The following UBE2E2 variants were observed in gnomAD, a reference collection of about 807,000 sequenced individuals.
The protein encoded by UBE2E2 is ubiquitin-conjugating enzyme E2 E2.
A neutral mutation model predicts 24.7 loss-of-function variants in UBE2E2; 6 were observed. The ratio of observed to expected loss-of-function variants is 0.24; its 90% CI spans 0.13 to 0.48. UBE2E2 has a LOEUF of 0.48. UBE2E2 is among the 20% of genes least tolerant of loss of function. The probability of loss-of-function intolerance (pLI) is 0.99; values close to 1 mark genes in which losing one functional copy is unlikely to be tolerated. For synonymous variants in UBE2E2, 104 were observed against 83.6 expected, an observed-to-expected ratio of 1.24 and a Z score of -1.33; for missense variants, 169 against 245.0, an observed-to-expected ratio of 0.69 and a Z score of 2.07.
chr3:23,369,618 T>C (rs1252087165), intron 3 of UBE2E2, among the ~76,000 whole-genome samples: 1 of 152,162 alleles, frequency 6.6e-6, no homozygotes, highest in Non-Finnish European at 1.5e-5. Flanking sequence ...TTGTATATGC[T>C]CTTAGGAATA....
chr3:23,580,469 G>A (rs915140090), intron 5 of UBE2E2, among the ~76,000 whole-genome samples: 2 of 152,136 alleles, frequency 1.3e-5, no homozygotes, highest in Admixed American at 1.3e-4. Flanking sequence ...TATTTTTAAG[G>A]TATGTACTTT....
At chr3:23,535,629 T>G (rs996358135) in intron 5 of UBE2E2, among the ~76,000 whole-genome samples, 2 of 143,030 alleles carry the variant, frequency 1.4e-5, no homozygotes, top group African/African-American at 5.3e-5. Flanking sequence ...TTTTTTTTTT[T>G]TTTTTTTTTT....
At chr3:23,277,321 G>A (rs1019300460) in intron 3 of UBE2E2, among the ~76,000 whole-genome samples, 2 of 152,056 alleles carry the variant, frequency 1.3e-5, no homozygotes, top group East Asian at 3.8e-4. Context: ...TTCAAAGATC[G>A]GCTACTGCCA....
At chr3:23,335,879 G>C (rs1180637361) in intron 3 of UBE2E2, among the ~76,000 whole-genome samples, 1 of 151,994 alleles carries the variant, frequency 6.6e-6, no homozygotes, top group Non-Finnish European at 1.5e-5. Flanking sequence ...AACTTACTAC[G>C]AACAAGGTAA....
chr3:23,375,669 A>G (rs1187773942), intron 3 of UBE2E2, among the ~76,000 whole-genome samples: 1 of 152,198 alleles, frequency 6.6e-6, no homozygotes, highest in Non-Finnish European at 1.5e-5. Flanking sequence ...CCATTATTGG[A>G]TAATAAATTA....
intron 3 of UBE2E2, among the ~76,000 whole-genome samples, chr3:23,284,113 T>A (rs1376888846): frequency 6.6e-6 from 1 of 152,130 alleles, no homozygotes; most frequent in Non-Finnish European, 1.5e-5. Context: ...CCAATCTCCT[T>A]TAGGGATTTT....
At chr3:23,383,578 G>C (rs1013928349) in intron 3 of UBE2E2, among the ~76,000 whole-genome samples, 1 of 151,848 alleles carries the variant, frequency 6.6e-6, no homozygotes, top group Non-Finnish European at 1.5e-5. Context: ...ATTGGCATCT[G>C]TCGGCCACTC....
intron 3 of UBE2E2, among the ~76,000 whole-genome samples, chr3:23,288,406 G>C (rs891257242): frequency 2.6e-5 from 4 of 152,142 alleles, no homozygotes; most frequent in Admixed American, 1.3e-4. Flanking sequence ...GGGACAAAAT[G>C]TTCTGTAAAT....
At chr3:23,331,226 T>G (rs1240895317) in intron 3 of UBE2E2, among the ~76,000 whole-genome samples, 1 of 151,876 alleles carries the variant, frequency 6.6e-6, no homozygotes, top group Non-Finnish European at 1.5e-5. Flanking sequence ...CAAAGCAGAG[T>G]AGAAACAGCT....
chr3:23,438,733 G>A (rs902567655), intron 3 of UBE2E2, among the ~76,000 whole-genome samples: 2 of 152,176 alleles, frequency 1.3e-5, no homozygotes, highest in Non-Finnish European at 2.9e-5. Flanking sequence ...ATTGCTGCAT[G>A]TGGTCCATCC....
intron 3 of UBE2E2, among the ~76,000 whole-genome samples, chr3:23,492,195 G>A (rs1189281113): frequency 6.6e-6 from 1 of 152,204 alleles, no homozygotes; most frequent in African/African-American, 2.4e-5. Context: ...TTGTATGCCA[G>A]AAGCTCAATA....
intron 3 of UBE2E2, among the ~76,000 whole-genome samples, chr3:23,301,902 C>T (rs1699107032): frequency 7.1e-6 from 1 of 140,846 alleles, no homozygotes; most frequent in South Asian, 2.1e-4. Flanking sequence ...CTTGGCTCCT[C>T]CCCTTCCTTA....
At chr3:23,324,791 T>TA (rs1317604804) in intron 3 of UBE2E2, among the ~76,000 whole-genome samples, 154 of 124,290 alleles carry the variant, frequency 1.2e-3, no homozygotes, top group Non-Finnish European at 2.2e-3. Flanking sequence ...AGAAAAGAAT[T>TA]TAAAAAAAAA....
At chr3:23,299,050 T>A (rs557391930) in intron 3 of UBE2E2, among the ~76,000 whole-genome samples, 1 of 152,364 alleles carries the variant, frequency 6.6e-6, no homozygotes, top group East Asian at 1.9e-4. Context: ...AATCCATTTC[T>A]TCCAGATTTT....
At chr3:23,454,568 G>C (rs1157194631) in intron 3 of UBE2E2, among the ~76,000 whole-genome samples, 1 of 152,184 alleles carries the variant, frequency 6.6e-6, no homozygotes, top group African/African-American at 2.4e-5. Context: ...TTTGCTTACA[G>C]TACAAGAAAT....
intron 3 of UBE2E2, among the ~76,000 whole-genome samples, chr3:23,259,056 A>G (rs1052489715): frequency 6.6e-6 from 1 of 152,192 alleles, no homozygotes; most frequent in Non-Finnish European, 1.5e-5. Flanking sequence ...AATTTTATAC[A>G]GGTGAATTCT....
At chr3:23,372,712 CAA>C (rs528763103) in intron 3 of UBE2E2, among the ~76,000 whole-genome samples, 50 of 152,114 alleles carry the variant, frequency 3.3e-4, no homozygotes, top group Middle Eastern at 3.4e-3. Flanking sequence ...AATCATTAAA[CAA>C]GAGAAAAATT....
intron 3 of UBE2E2, among the ~76,000 whole-genome samples, chr3:23,436,564 A>AT (rs35403338): frequency 0.41 from 60,395 of 148,792 alleles, 12,257 homozygotes; most frequent in East Asian, 0.49. Context: ...TTTACAGAAG[A>AT]TTTTTTTTTT....
intron 5 of UBE2E2, among the ~76,000 whole-genome samples, chr3:23,567,459 A>G (rs1285339654): frequency 6.6e-6 from 1 of 152,234 alleles, no homozygotes; most frequent in Non-Finnish European, 1.5e-5. Context: ...TATGATAAGA[A>G]TCGAAACCTT....
Sources: allele counts gnomAD v4.1 joint callset (sites outside exome capture counted in the v4.1 genomes callset), GRCh38; gene constraint gnomAD v4.1.1; transcripts MANE v1.5; gene names NCBI Gene and HGNC (gene_info 2026-07-23, HGNC 2026-07-21).